Variants in CAST observed in about 807,000 individuals in gnomAD.
CAST encodes calpastatin, also known as MIR583 host.
CAST carries 76 observed loss-of-function variants against 119.6 expected under a neutral mutation model. That is an observed-to-expected ratio of 0.64 (90% CI 0.53 to 0.77). The LOEUF is 0.77. CAST is among the 30% of genes least tolerant of loss of function. The probability of loss-of-function intolerance (pLI) is 0.00; values close to 1 mark genes in which losing one functional copy is unlikely to be tolerated. For synonymous variants in CAST, 319 were observed against 331.6 expected, an observed-to-expected ratio of 0.96 and a Z score of 0.41; for missense variants, 953 against 946.5, an observed-to-expected ratio of 1.01 and a Z score of -0.09.
chr5:96,646,249 A>G (rs984279539), intron 1 of CAST, among the ~76,000 whole-genome samples: 3 of 152,240 alleles, frequency 2.0e-5, no homozygotes, highest in Admixed American at 2.0e-4. Flanking sequence ...TCTTTTGACT[A>G]GATATTCCAC....
the CAST span, among the ~76,000 whole-genome samples, chr5:96,451,779 A>G: frequency 1.8e-4 from 28 of 152,354 alleles, no homozygotes; most frequent in African/African-American, 6.5e-4. Flanking sequence ...TCTATAAAGA[A>G]CTTAAACAGA....
chr5:96,197,108 C>T, the CAST span, among the ~76,000 whole-genome samples: 2 of 152,216 alleles, frequency 1.3e-5, no homozygotes, highest in African/African-American at 4.8e-5. Flanking sequence ...TTTCTCCCTG[C>T]TGTTAGGCCA....
the CAST span, among the ~76,000 whole-genome samples, chr5:96,087,119 T>C: frequency 6.6e-6 from 1 of 152,254 alleles, no homozygotes; most frequent in Non-Finnish European, 1.5e-5. Context: ...GCTCAATAGT[T>C]ACATGATTTG....
intron 1 of CAST, among the ~76,000 whole-genome samples, chr5:96,591,186 T>C (rs908994217): frequency 6.6e-6 from 1 of 152,234 alleles, no homozygotes; most frequent in Non-Finnish European, 1.5e-5. Context: ...ATAGCACTTA[T>C]GAAACAGATG....
chr5:96,137,269 G>C, the CAST span, among the ~76,000 whole-genome samples: 1 of 152,104 alleles, frequency 6.6e-6, no homozygotes, highest in African/African-American at 2.4e-5. Flanking sequence ...CATAGAGTAA[G>C]TCTTCTCAGA....
chr5:95,980,772 A>G, the CAST span, among the ~76,000 whole-genome samples: 13 of 152,120 alleles, frequency 8.5e-5, no homozygotes, highest in Non-Finnish European at 1.9e-4. Context: ...GGTGGCAGAG[A>G]AGGCATGTCA....
At chr5:96,522,926 G>A (rs755819681), upstream of CAST, among the ~76,000 whole-genome samples, 10 of 152,212 alleles carry the variant, frequency 6.6e-5, no homozygotes, top group Admixed American at 3.3e-4. Context: ...TCACTGGGGC[G>A]AGTGGGGTGA....
At chr5:96,719,673 A>G (rs1273094054) in intron 3 of CAST, among the ~76,000 whole-genome samples, 2 of 152,210 alleles carry the variant, frequency 1.3e-5, no homozygotes, top group African/African-American at 2.4e-5. Context: ...GATTTACAGT[A>G]TTAATTCTTT....
At chr5:96,574,925 A>G (rs1410899241) in intron 1 of CAST, among the ~76,000 whole-genome samples, 15 of 152,180 alleles carry the variant, frequency 9.9e-5, no homozygotes, top group Admixed American at 9.8e-4. Context: ...ATTCCAAATA[A>G]ACCATAGAAT....
chr5:96,006,080 G>A, the CAST span, among the ~76,000 whole-genome samples: 1 of 152,132 alleles, frequency 6.6e-6, no homozygotes, highest in Non-Finnish European at 1.5e-5. Context: ...GAATACCTAA[G>A]TTTAACTGGT....
chr5:96,122,661 A>G, the CAST span, among the ~76,000 whole-genome samples: 2 of 151,974 alleles, frequency 1.3e-5, no homozygotes, highest in Non-Finnish European at 1.5e-5. Flanking sequence ...TCATGTGCAC[A>G]TATCAGTTGA....
chr5:96,528,415 G>C (rs571843736), upstream of CAST, among the ~76,000 whole-genome samples: 1 of 152,166 alleles, frequency 6.6e-6, no homozygotes, highest in South Asian at 2.1e-4. Context: ...CCCTTCCACT[G>C]GGCCCCTCCT....
chr5:96,416,047 T>C, the CAST span: 7 of 1,609,622 alleles, frequency 4.3e-6, no homozygotes, highest in Non-Finnish European at 6.0e-6. Context: ...AACTTTGGAA[T>C]TGTATGCAAC....
chr5:96,365,449 G>A, the CAST span, among the ~76,000 whole-genome samples: 1 of 152,162 alleles, frequency 6.6e-6, no homozygotes, highest in African/African-American at 2.4e-5. Flanking sequence ...TTATTATTGT[G>A]TGGTAGTCTA....
intron 1 of CAST, among the ~76,000 whole-genome samples, chr5:96,643,180 G>T (rs1316083624): frequency 6.6e-6 from 1 of 152,122 alleles, no homozygotes; most frequent in Non-Finnish European, 1.5e-5. Context: ...TTGAGAGTAG[G>T]GCACTGAGAT....
the CAST span, among the ~76,000 whole-genome samples, chr5:96,090,365 T>C: frequency 6.6e-6 from 1 of 152,168 alleles, no homozygotes; most frequent in Non-Finnish European, 1.5e-5. Context: ...AGTGTTGTAA[T>C]TTAAAACAGT....
the CAST span, among the ~76,000 whole-genome samples, chr5:96,021,817 C>T: frequency 6.6e-6 from 1 of 152,148 alleles, no homozygotes; most frequent in Admixed American, 6.5e-5. Flanking sequence ...AAAATGGCCT[C>T]TTCATCTCAA....
chr5:96,362,454 T>G, the CAST span, among the ~76,000 whole-genome samples: 1 of 152,214 alleles, frequency 6.6e-6, no homozygotes, highest in African/African-American at 2.4e-5. Flanking sequence ...CCACCAACAG[T>G]GTAAAAGTGT....
At chr5:96,722,801 A>C (rs1308355013) in intron 4 of CAST, 103 bp downstream of exon 4, 1 of 823,572 alleles carries the variant, frequency 1.2e-6, no homozygotes, top group African/African-American at 1.7e-5. Context: ...TATGCTAGGA[A>C]GTTTTAATTA....
Sources: allele counts gnomAD v4.1 joint callset (sites outside exome capture counted in the v4.1 genomes callset), GRCh38; gene constraint gnomAD v4.1.1; transcripts MANE v1.5; gene names NCBI Gene and HGNC (gene_info 2026-07-23, HGNC 2026-07-21).